RUFY2: variants seen among roughly 807,000 people sequenced by gnomAD.
RUFY2 encodes the protein RUN and FYVE domain-containing protein 2.
Under a neutral mutation model 94.4 loss-of-function variants are expected in RUFY2, and 49 were observed. That is an observed-to-expected ratio of 0.52 (90% CI 0.41 to 0.66). The LOEUF is 0.66. Ranked by LOEUF, RUFY2 falls within the 30% of genes least tolerant of loss-of-function variation. RUFY2 has a pLI of 0.00. For missense variants in RUFY2, 541 were observed against 692.8 expected (o/e 0.78, Z 2.46); for synonymous variants, 255 against 235.7 (o/e 1.08, Z -0.75).
intron 1 of RUFY2, chr10:68,405,805 C>T (rs2051249215): frequency 1.5e-6 from 1 of 662,154 alleles, no homozygotes; most frequent in African/African-American, 2.0e-5. Flanking sequence ...ACCAGTTTTA[C>T]ATTAATGTTC....
intron 7 of RUFY2, among the ~76,000 whole-genome samples, chr10:68,389,658 G>A (rs1023169941): frequency 2.0e-5 from 3 of 152,040 alleles, no homozygotes; most frequent in Non-Finnish European, 2.9e-5. Flanking sequence ...GCCAGGCATG[G>A]TGGCTCACAC....
chr10:68,402,806 G>C (rs996629767), intron 2 of RUFY2, among the ~76,000 whole-genome samples: 1 of 144,028 alleles, frequency 6.9e-6, no homozygotes. Flanking sequence ...TGATACAGAT[G>C]TCTATGTAAA....
At chr10:68,341,878 T>C, downstream of RUFY2, 2 of 1,595,828 alleles carry the variant, frequency 1.3e-6, no homozygotes, top group Non-Finnish European at 1.7e-6. Context: ...CAGTTTGTGT[T>C]AGTCCGCATA....
intron 10 of RUFY2, among the ~76,000 whole-genome samples, chr10:68,382,166 A>T (rs2049111312): frequency 6.7e-6 from 1 of 149,686 alleles, no homozygotes; most frequent in Non-Finnish European, 1.5e-5. Context: ...CTCCTGCCTC[A>T]GCCTCCCGAG....
In RUFY2 at chr10:68,404,746, T is replaced by C. The variant is rs752112534; in HGVS notation, c.103A>G (p.Thr35Ala). 1.2e-6 allele frequency: 2 copies of C among 1,613,506 alleles called. No individual in the cohort carries two copies. The highest frequency in any genetic ancestry group is 1.7e-6 in the Non-Finnish European group (2 of 1,179,804). ...AAGGGGGGATAGTCAGAATCCAAAG[T>C]GCGGCCAAAGCTCAGAGCAGATTCA... ...LIESALSFGRTLDSDYPPLQQ... is the reference protein window; with the variant it reads ...LIESALSFGRALDSDYPPLQQ... Residue 35 changes from threonine to alanine, a missense_variant, in exon 2 of 18, where the codon ACT becomes GCT. Physicochemically the swap from Thr to Ala is moderately conservative, Grantham distance 58. This residue lies in a region of RUFY2 where 53 missense variants were observed against 58.6 expected (regional missense o/e 0.90). Transcript: ENST00000602465.
Position 68,376,920 on chromosome 10 carries a change from A to G in RUFY2, c.1258T>C (p.Tyr420His). ...GATTTACTGAGACATTCTTGTAGATATTTCTCATCCTCATCTTCAGCTTCC... is the reference window on the plus strand; with the variant it reads ...GATTTACTGAGACATTCTTGTAGATGTTTCTCATCCTCATCTTCAGCTTCC... ...QMEAEDEDEK[Y>H]LQECLSKSDS... is the part of the protein sequence containing the mutation. Residue 420 changes from tyrosine (Y) to histidine (H), a missense_variant, in exon 13 of 18, where the codon TAT becomes CAT. By Grantham distance (83) the Tyr-to-His change is moderately conservative. Around this residue, in one of 3 missense-constraint regions of RUFY2, gnomAD observed 403 missense variants for 480.7 expected, o/e 0.84. Transcript: ENST00000602465. 1 of 1,613,710 alleles carries G rather than the reference A, an allele frequency of 6.2e-7. No homozygotes were observed. The highest frequency in any genetic ancestry group is 8.5e-7 in the Non-Finnish European group (1 of 1,179,850).
intron 7 of RUFY2, among the ~76,000 whole-genome samples, chr10:68,388,344 T>A (rs116825518): frequency 0.028 from 4,312 of 151,958 alleles, 207 homozygotes; most frequent in African/African-American, 0.098. Context: ...GTGTCTGTAA[T>A]CCCAGCTACT....
intron 13 of RUFY2, among the ~76,000 whole-genome samples, chr10:68,364,846 C>T (rs779146482): frequency 1.3e-5 from 2 of 151,620 alleles, no homozygotes; most frequent in African/African-American, 4.8e-5. Flanking sequence ...GGCCTGCCAC[C>T]AAAACTCCTA....
intron 12 of RUFY2, 175 bp from the exon 13 acceptor site, chr10:68,377,147 G>A: frequency 1.4e-6 from 2 of 1,437,624 alleles, no homozygotes; most frequent in Non-Finnish European, 1.8e-6. Flanking sequence ...TCTAGAAGTT[G>A]TTTTGTGATT....
chr10:68,378,274 C>T, intron 12 of RUFY2: 2 of 1,101,892 alleles, frequency 1.8e-6, no homozygotes, highest in Non-Finnish European at 2.2e-6. Flanking sequence ...TTATATTTTT[C>T]ATCAAAAAGT....
intron 13 of RUFY2, among the ~76,000 whole-genome samples, chr10:68,374,538 GA>G (rs1324101558): frequency 6.6e-6 from 1 of 151,894 alleles, no homozygotes; most frequent in African/African-American, 2.4e-5. Context: ...AAACAGAATT[GA>G]AAAAATATAT....
At chr10:68,354,224 G>A (rs751257472) in intron 16 of RUFY2, among the ~76,000 whole-genome samples, 3 of 151,830 alleles carry the variant, frequency 2.0e-5, no homozygotes, top group Admixed American at 6.6e-5. Context: ...CCAGGCTGGC[G>A]TGCAGTAAGT....
At chr10:68,349,425 G>T (rs185212938) in intron 16 of RUFY2, among the ~76,000 whole-genome samples, 2 of 152,098 alleles carry the variant, frequency 1.3e-5, no homozygotes, top group Admixed American at 6.5e-5. Flanking sequence ...GAGGCTGAGG[G>T]GGGGAGGATT....
downstream of RUFY2, chr10:68,342,438 TG>T (rs2134813627): frequency 6.1e-6 from 1 of 163,972 alleles, no homozygotes; most frequent in African/African-American, 2.4e-5. Context: ...AGCAGACATC[TG>T]GAATAGAGCT....
At chr10:68,368,781 T>C (rs2132561436) in intron 13 of RUFY2, among the ~76,000 whole-genome samples, 1 of 152,164 alleles carries the variant, frequency 6.6e-6, no homozygotes, top group East Asian at 1.9e-4. Flanking sequence ...TTATCTCATA[T>C]ATAGCTCATA....
At chr10:68,349,525 T>A (rs574685979) in intron 16 of RUFY2, among the ~76,000 whole-genome samples, 13 of 151,552 alleles carry the variant, frequency 8.6e-5, no homozygotes, top group East Asian at 7.8e-4. Flanking sequence ...TCTAAAAAAA[T>A]TTTTTTTTAA....
At chr10:68,376,674 G>T (rs2048702935) in intron 13 of RUFY2, among the ~76,000 whole-genome samples, 179 bp downstream of exon 13, 1 of 150,700 alleles carries the variant, frequency 6.6e-6, no homozygotes, top group Admixed American at 6.6e-5. Context: ...CATAAAGGGA[G>T]TAAAAACATA....
chr10:68,371,213 A>G (rs951701384), intron 13 of RUFY2, among the ~76,000 whole-genome samples: 1 of 150,984 alleles, frequency 6.6e-6, no homozygotes, highest in Non-Finnish European at 1.5e-5. Flanking sequence ...ATGGGTCAGG[A>G]GTTCAAGACC....
chr10:68,360,772 T>A (rs1375844150), intron 15 of RUFY2, among the ~76,000 whole-genome samples: 1 of 151,128 alleles, frequency 6.6e-6, no homozygotes, highest in Admixed American at 6.6e-5. Flanking sequence ...ATAATCATCA[T>A]CATCTTTCAA....
Sources: allele counts gnomAD v4.1 joint callset (sites outside exome capture counted in the v4.1 genomes callset), GRCh38; gene constraint gnomAD v4.1.1; regional missense constraint gnomAD v4.1.1; transcripts MANE v1.5; gene names NCBI Gene and HGNC (gene_info 2026-07-23, HGNC 2026-07-21).